The following MICAL3 variants were observed in gnomAD, a reference collection of about 807,000 sequenced individuals.
MICAL3 encodes the protein microtubule associated monooxygenase, calponin and LIM domain containing 3, also known as [F-actin]-monooxygenase MICAL3.
A neutral mutation model predicts 207.4 loss-of-function variants in MICAL3; 62 were observed. The observed-to-expected ratio is 0.30, with a 90% CI of 0.24 to 0.37. The LOEUF is 0.37. Ranked by LOEUF, MICAL3 falls within the 10% of genes least tolerant of loss-of-function variation. The pLI, the probability that MICAL3 is intolerant of heterozygous loss-of-function variation, is 1.00. For synonymous variants in MICAL3, 1,077 were observed against 1,069.3 expected, an observed-to-expected ratio of 1.01 and a Z score of -0.14; for missense variants, 2,368 against 2,635.6, an observed-to-expected ratio of 0.90 and a Z score of 2.22.
At chr22:17,947,605 T>C (rs1258657704) in intron 1 of MICAL3, among the ~76,000 whole-genome samples, 1 of 152,230 alleles carries the variant, frequency 6.6e-6, no homozygotes, top group African/African-American at 2.4e-5. Flanking sequence ...TTGTCCAGGC[T>C]GGAGTGCAGT....
At chr22:17,879,400 T>A in intron 16 of MICAL3, 1 of 1,612,096 alleles carries the variant, frequency 6.2e-7, no homozygotes, top group East Asian at 2.2e-5. Flanking sequence ...GATCCCTGTA[T>A]GTCTGTTGGC....
intron 1 of MICAL3, among the ~76,000 whole-genome samples, chr22:17,946,694 G>A (rs1934084593): frequency 6.6e-6 from 1 of 152,178 alleles, no homozygotes; most frequent in Non-Finnish European, 1.5e-5. Context: ...GGAAGATAGA[G>A]GAAAAGCCAA....
At chr22:17,880,716 T>A (rs1929335993) in intron 16 of MICAL3, among the ~76,000 whole-genome samples, 1 of 152,186 alleles carries the variant, frequency 6.6e-6, no homozygotes, top group African/African-American at 2.4e-5. Flanking sequence ...GTGCCTGGCG[T>A]GCAAGTGCAG....
intron 1 of MICAL3, among the ~76,000 whole-genome samples, chr22:17,979,912 T>C (rs1030909864): frequency 9.2e-5 from 14 of 152,296 alleles, no homozygotes; most frequent in African/African-American, 3.4e-4. Flanking sequence ...ACTACAGCCT[T>C]GACCTCCTGG....
intron 19 of MICAL3, chr22:17,863,666 T>C (rs1162132077): frequency 2.0e-6 from 2 of 985,502 alleles, no homozygotes; most frequent in Non-Finnish European, 2.4e-6. Flanking sequence ...CTGGCTTGGC[T>C]GGGTTCTCAT....
intron 1 of MICAL3, among the ~76,000 whole-genome samples, chr22:17,940,536 A>C (rs1933759751): frequency 6.6e-6 from 1 of 152,234 alleles, no homozygotes. Context: ...ACAGTGAAGG[A>C]CTAGTTCCAT....
chr22:17,816,828 G>A, intron 26 of MICAL3, 44 bp from the exon 27 acceptor site: 1 of 1,405,192 alleles, frequency 7.1e-7, no homozygotes, highest in Non-Finnish European at 9.8e-7. Flanking sequence ...CCAGACAGCA[G>A]GCGCAGCCCT....
intron 25 of MICAL3, 47 bp from the exon 26 acceptor site, chr22:17,819,176 C>T (rs775368756): frequency 1.8e-5 from 25 of 1,414,614 alleles, no homozygotes; most frequent in South Asian, 3.9e-5. Context: ...TGGGCTTTCA[C>T]GACCAGCAGC....
intron 1 of MICAL3, among the ~76,000 whole-genome samples, chr22:17,973,838 T>G (rs147030361): frequency 7.9e-5 from 12 of 152,012 alleles, no homozygotes; most frequent in Admixed American, 5.9e-4. Flanking sequence ...GGAGGATCAT[T>G]TGCACCTGGG....
At chr22:17,831,559 T>C (rs1292598889) in intron 21 of MICAL3, among the ~76,000 whole-genome samples, 1 of 152,098 alleles carries the variant, frequency 6.6e-6, no homozygotes, top group Non-Finnish European at 1.5e-5. Flanking sequence ...GAAAACGAGG[T>C]GGAGACAAGT....
chr22:17,861,843 G>C (rs929874335), intron 19 of MICAL3: 6 of 985,352 alleles, frequency 6.1e-6, no homozygotes, highest in Non-Finnish European at 7.2e-6. Context: ...AGCAGGTACA[G>C]ATTTGGTTAC....
chr22:17,902,714 A>G lies in MICAL3; in HGVS notation c.506T>C (p.Val169Ala). 1 of 1,603,632 alleles carries G rather than the reference A, an allele frequency of 6.2e-7. No homozygotes were observed. Among genetic ancestry groups the G allele is most frequent in the Non-Finnish European group, 8.5e-7 (1 of 1,174,204 alleles). ...IRQLQLILLK[V>A]ALILGIEIHV... ...GATTTCAATGCCTAGGATCAAGGCTACTTTCAAAAGTATTAGTTGGAGCTG... is the reference window on the plus strand; with the variant it reads ...GATTTCAATGCCTAGGATCAAGGCTGCTTTCAAAAGTATTAGTTGGAGCTG... Residue 169 changes from valine (V) to alanine (A), a missense_variant, in exon 4 of 32, where the codon GTA becomes GCA. Around this residue, in one of 4 missense-constraint regions of MICAL3, gnomAD observed 400 missense variants for 547.0 expected, o/e 0.73. Transcript: ENST00000441493. This position sits in a 1 kb window ranked among gnomAD's most constrained non-coding sequence, Gnocchi z 4.5.
intron 1 of MICAL3, among the ~76,000 whole-genome samples, chr22:17,928,410 G>A (rs1267224201): frequency 2.0e-5 from 3 of 150,602 alleles, no homozygotes; most frequent in Non-Finnish European, 4.4e-5. Flanking sequence ...CTGCACACCA[G>A]CCTGGGCGAA....
In MICAL3 at chr22:17,945,813, C is replaced by T. The variant is rs190735985; in HGVS notation, c.-74-38927G>A. Among the ~76,000 whole-genome samples, 41 of 152,132 alleles carry T rather than the reference C, an allele frequency of 2.7e-4. No individual in the cohort carries two copies. The East Asian group carries it at 7.7e-3, about 29-fold the overall frequency. ...AAGAAGGGATGAGGGAGAGAAGAGG[C>T]TGTATTTAGCAGGAAGACTGAGACA... On this transcript the variant is annotated intron_variant, in intron 1 of 31. Transcript: ENST00000441493.
chr22:17,837,534 C>T (rs970056690), intron 20 of MICAL3, among the ~76,000 whole-genome samples: 1 of 152,226 alleles, frequency 6.6e-6, no homozygotes, highest in South Asian at 2.1e-4. Context: ...GGAAGGCAGT[C>T]AGGGAAAACA....
intron 11 of MICAL3, among the ~76,000 whole-genome samples, chr22:17,892,178 C>T (rs562217969): frequency 6.6e-6 from 1 of 152,340 alleles, no homozygotes; most frequent in Admixed American, 6.5e-5. Context: ...CGCTGACAAC[C>T]CTGGGGCCCC....
At chr22:17,897,667 C>T (rs754338737) in intron 7 of MICAL3, among the ~76,000 whole-genome samples, 24 of 152,126 alleles carry the variant, frequency 1.6e-4, no homozygotes, top group South Asian at 4.1e-4. Context: ...AATGGGACCA[C>T]GTGAAACACT....
intron 1 of MICAL3, among the ~76,000 whole-genome samples, chr22:17,921,094 C>T (rs759579323): frequency 6.6e-6 from 1 of 152,084 alleles, no homozygotes; most frequent in Non-Finnish European, 1.5e-5. Flanking sequence ...TTCACCATGG[C>T]AATGTAAGTT....
intron 1 of MICAL3, among the ~76,000 whole-genome samples, chr22:17,931,313 A>G (rs1424384073): frequency 3.3e-5 from 5 of 152,188 alleles, no homozygotes; most frequent in Non-Finnish European, 7.3e-5. Context: ...ACTAAAAACA[A>G]AAGCCCCACA....
Sources: gnomAD v4.1 joint callset for allele counts (sites outside exome capture counted in the v4.1 genomes callset) on GRCh38, gnomAD v4.1.1 for gene constraint, gnomAD v4.1.1 regional missense constraint, Gnocchi (gnomAD v3.1) non-coding constraint, MANE v1.5 for transcripts, NCBI Gene and HGNC (gene_info 2026-07-23, HGNC 2026-07-21) for gene names.